Variants in KIRREL3 observed in about 807,000 individuals in gnomAD.
KIRREL3 encodes kin of IRRE-like protein 3.
In KIRREL3, 36 loss-of-function variants were observed where a neutral mutation model predicts 89.7. The ratio of observed to expected loss-of-function variants is 0.40; its 90% CI spans 0.31 to 0.53. The LOEUF (loss-of-function observed/expected upper bound fraction) is 0.53, where lower values mean the gene tolerates loss of function less well. KIRREL3 is among the 20% of genes least tolerant of loss of function. The probability of loss-of-function intolerance (pLI) is 0.49; values close to 1 mark genes in which losing one functional copy is unlikely to be tolerated. For synonymous variants in KIRREL3, 445 were observed against 441.4 expected, an observed-to-expected ratio of 1.01 and a Z score of -0.10; for missense variants, 864 against 1,056.6, an observed-to-expected ratio of 0.82 and a Z score of 2.53.
chr11:126,465,260 T>C (rs1956683715), intron 5 of KIRREL3, among the ~76,000 whole-genome samples: 1 of 151,998 alleles, frequency 6.6e-6, no homozygotes, highest in South Asian at 2.1e-4. Context: ...AATGGCAATG[T>C]CTCTAATTCT....
At chr11:126,737,197 C>A (rs1391006892) in intron 1 of KIRREL3, among the ~76,000 whole-genome samples, 1 of 152,124 alleles carries the variant, frequency 6.6e-6, no homozygotes, top group Non-Finnish European at 1.5e-5. Flanking sequence ...ACTGTCAGCA[C>A]ACTGGGCTGG....
intron 1 of KIRREL3, among the ~76,000 whole-genome samples, chr11:126,765,190 C>T (rs932912735): frequency 2.6e-5 from 4 of 152,182 alleles, no homozygotes; most frequent in African/African-American, 7.2e-5. Flanking sequence ...AACTATACCC[C>T]GTGGCTCTGC....
intron 1 of KIRREL3, among the ~76,000 whole-genome samples, chr11:126,581,314 C>T (rs928276311): frequency 3.3e-5 from 5 of 151,992 alleles, no homozygotes; most frequent in Non-Finnish European, 7.4e-5. Context: ...GTGATTTTCC[C>T]ACCTCAGCCT....
chr11:126,813,220 G>A (rs1005191926), intron 1 of KIRREL3, among the ~76,000 whole-genome samples: 9 of 152,176 alleles, frequency 5.9e-5, no homozygotes, highest in Admixed American at 5.9e-4. Flanking sequence ...ATACTTGGGA[G>A]GCATGAAGAT....
rs2135587290 is a variant in KIRREL3 at position 126,423,956 on chromosome 11, C to A, written c.*624G>T. On this transcript the variant is annotated 3_prime_UTR_variant, in exon 17 of 17. Coordinates refer to ENST00000525144, the MANE Select transcript of KIRREL3 (RefSeq NM_032531.4). Reference sequence around the variant, plus strand: ...GGCATCAAGTCCAAGGACAGAACTGCAAGAGTATGGACACAAAACACCAAA... The same window carrying A: ...GGCATCAAGTCCAAGGACAGAACTGAAAGAGTATGGACACAAAACACCAAA... The A allele has an allele frequency of 6.4e-6, 1 of 156,388 alleles. No individual in the cohort carries two copies. Among genetic ancestry groups the A allele is most frequent in the South Asian group, 2.0e-4 (1 of 5,072 alleles). 9.7% of individuals were successfully genotyped at this position (156,388 alleles called of 1,614,324 possible).
rs1958409891 is a variant in KIRREL3 at position 126,516,372 on chromosome 11, C to A, written c.433+4943G>T. On this transcript the variant is annotated intron_variant, in intron 4 of 16. Transcript: ENST00000525144. This position sits in a 1 kb window ranked among gnomAD's most constrained non-coding sequence, Gnocchi z 4.9. ...ATCTGATGCCAACATCCCCTCCTCC[C>A]ACTTCTGATCCCCCCATCCTGCTCT... Among the ~76,000 whole-genome samples, 1 of 152,136 alleles carries A rather than the reference C, an allele frequency of 6.6e-6. No homozygotes were observed. The highest frequency in any genetic ancestry group is 2.1e-4 in the South Asian group (1 of 4,828).
At position 126,521,494 on chromosome 11, in the gene KIRREL3, TG is replaced by T; in HGVS notation, c.284-31del. On this transcript the variant is annotated intron_variant, in intron 3 of 16. Transcript: ENST00000525144. The surrounding 1 kb of genome is among the most constrained non-coding windows in gnomAD (Gnocchi z 4.1). ...GGAGACAACAGGCAGGTCAGGGAGC[TG>T]GGGTGGGGTGGAGGGGACACCCATG... 1 of 1,559,510 alleles carries T rather than the reference TG, an allele frequency of 6.4e-7. No homozygotes were observed.
At position 126,499,151 on chromosome 11, in the gene KIRREL3, C is replaced by CAAAAA. The variant is rs33937623; in HGVS notation, c.433+22159_433+22163dup. 3.8e-3 allele frequency among the ~76,000 whole-genome samples: 494 copies of CAAAAA among 129,070 alleles called. 13 individuals carry two copies. Among genetic ancestry groups the CAAAAA allele is most frequent in the African/African-American group, 0.011 (371 of 33,736 alleles). 84.7% of individuals were successfully genotyped at this position (129,070 alleles called of 152,430 possible). Reference sequence around the variant, plus strand: ...TGGACAACAGAGCAAGACTCCGTTTCAAAAAAAAAAAAAAAAGCTGTGCGT... The same window carrying CAAAAA: ...TGGACAACAGAGCAAGACTCCGTTTCAAAAAAAAAAAAAAAAAAAAAGCTGTGCGT... On this transcript the variant is annotated intron_variant, in intron 4 of 16. Transcript: ENST00000525144.
In KIRREL3 at chr11:126,555,057, C is replaced by T. The variant is rs1257967910; in HGVS notation, c.133+7778G>A. Reference sequence around the variant, plus strand: ...CCTTCCATCTCCCAATAAAATCCTCCGCATACACTACCCTTCAATCTGTTC... The same window carrying T: ...CCTTCCATCTCCCAATAAAATCCTCTGCATACACTACCCTTCAATCTGTTC... On this transcript the variant is annotated intron_variant, in intron 2 of 16. Transcript: ENST00000525144. The surrounding 1 kb of genome is among the most constrained non-coding windows in gnomAD (Gnocchi z 4.2). Among the ~76,000 whole-genome samples the T allele has an allele frequency of 4.6e-5, 7 of 152,214 alleles. No homozygotes were observed. Among genetic ancestry groups the T allele is most frequent in the Non-Finnish European group, 8.8e-5 (6 of 68,042 alleles).
chr11:126,922,863 A>G (rs954313968), intron 1 of KIRREL3, among the ~76,000 whole-genome samples: 1 of 152,018 alleles, frequency 6.6e-6, no homozygotes, highest in Non-Finnish European at 1.5e-5. Flanking sequence ...TCTTCCCACA[A>G]TCCGCAGTGT....
chr11:126,435,393 G>T (rs558421655), intron 12 of KIRREL3, 90 bp from the exon 13 acceptor site: 4 of 1,305,634 alleles, frequency 3.1e-6, no homozygotes, highest in African/African-American at 2.9e-5. Flanking sequence ...GCGGGGCTGG[G>T]TGAGGGGCTC....
intron 7 of KIRREL3, among the ~76,000 whole-genome samples, chr11:126,453,793 G>A (rs139469748): frequency 6.4e-4 from 97 of 152,258 alleles, no homozygotes; most frequent in Middle Eastern, 6.8e-3. Context: ...CCTCAGTGAG[G>A]TGTTTTCAGG....
intron 4 of KIRREL3, among the ~76,000 whole-genome samples, chr11:126,480,983 A>G (rs1437144185): frequency 6.6e-6 from 1 of 152,164 alleles, no homozygotes; most frequent in Non-Finnish European, 1.5e-5. Flanking sequence ...TGGTTTTAAG[A>G]GTCAGCTTCC....
intron 4 of KIRREL3, among the ~76,000 whole-genome samples, chr11:126,504,374 T>TAATA (rs1957957284): frequency 1.3e-5 from 2 of 152,202 alleles, no homozygotes; most frequent in South Asian, 2.1e-4. Flanking sequence ...GATCCTCTAT[T>TAATA]GAGAACCCTT....
In KIRREL3 at chr11:126,491,073, G is replaced by A. The variant is rs948517158; in HGVS notation, c.434-17607C>T. Among the ~76,000 whole-genome samples the A allele has an allele frequency of 1.9e-4, 29 of 152,176 alleles. No individual in the cohort carries two copies. The highest frequency in any genetic ancestry group is 7.3e-5 in the Non-Finnish European group (5 of 68,030). ...AGTGGAAAGGGGTCCTATGTGAACAGAAGGGAGGGCTTCAGATAATCCTGA... is the reference window on the plus strand; with the variant it reads ...AGTGGAAAGGGGTCCTATGTGAACAAAAGGGAGGGCTTCAGATAATCCTGA... On this transcript the variant is annotated intron_variant, in intron 4 of 16. Coordinates refer to ENST00000525144, the MANE Select transcript of KIRREL3 (RefSeq NM_032531.4). This position sits in a 1 kb window ranked among gnomAD's most constrained non-coding sequence, Gnocchi z 5.5.
chr11:126,819,614 C>T (rs1316937024), intron 1 of KIRREL3, among the ~76,000 whole-genome samples: 2 of 152,144 alleles, frequency 1.3e-5, no homozygotes, highest in Admixed American at 1.3e-4. Flanking sequence ...GTGCTTTGGG[C>T]GGGGCTCAGG....
At chr11:126,947,921 G>T (rs1464386880) in intron 1 of KIRREL3, among the ~76,000 whole-genome samples, 1 of 152,166 alleles carries the variant, frequency 6.6e-6, no homozygotes, top group Non-Finnish European at 1.5e-5. Flanking sequence ...CCATGATGCT[G>T]GAATGGGAGG....
At chr11:126,787,667 A>T (rs993829681) in intron 1 of KIRREL3, among the ~76,000 whole-genome samples, 7 of 152,212 alleles carry the variant, frequency 4.6e-5, no homozygotes, top group African/African-American at 1.7e-4. Context: ...AGCCTCCGGA[A>T]TATAATTGAC....
At chr11:126,567,635 C>G (rs1328696855) in intron 1 of KIRREL3, among the ~76,000 whole-genome samples, 1 of 152,190 alleles carries the variant, frequency 6.6e-6, no homozygotes, top group Non-Finnish European at 1.5e-5. Context: ...AAGGAGACCC[C>G]AGGGTGGCTA....
Sources: allele counts gnomAD v4.1 joint callset (sites outside exome capture counted in the v4.1 genomes callset), GRCh38; gene constraint gnomAD v4.1.1; non-coding constraint Gnocchi (gnomAD v3.1); transcripts MANE v1.5; gene names NCBI Gene and HGNC (gene_info 2026-07-23, HGNC 2026-07-21).